Variants in RAB7A observed in about 807,000 individuals in gnomAD.
RAB7A encodes ras-related protein Rab-7a.
RAB7A carries 2 observed loss-of-function variants against 24.5 expected under a neutral mutation model. That is an observed-to-expected ratio of 0.08 (90% CI 0.03 to 0.26). The LOEUF is 0.26. Ranked by LOEUF, RAB7A falls within the 10% of genes least tolerant of loss-of-function variation. The pLI is 1.00. For synonymous variants in RAB7A, 100 were observed against 95.9 expected (o/e 1.04, Z -0.25); for missense variants, 118 against 255.7 (o/e 0.46, Z 3.67).
intron 1 of RAB7A, among the ~76,000 whole-genome samples, chr3:128,771,269 C>A (rs1932927730): frequency 6.6e-6 from 1 of 152,182 alleles, no homozygotes; most frequent in African/African-American, 2.4e-5. Flanking sequence ...CTGGGCCCAG[C>A]CTACAATTTT....
At chr3:128,756,645 A>G (rs1032855277) in intron 1 of RAB7A, among the ~76,000 whole-genome samples, 4 of 152,138 alleles carry the variant, frequency 2.6e-5, no homozygotes, top group African/African-American at 9.7e-5. Flanking sequence ...CAGAAAATAG[A>G]AAAATCCATC....
chr3:128,777,509 T>C (rs550759517), intron 1 of RAB7A, among the ~76,000 whole-genome samples: 1 of 152,222 alleles, frequency 6.6e-6, no homozygotes, highest in South Asian at 2.1e-4. Flanking sequence ...TTATAATACT[T>C]GATAATAAAA....
At chr3:128,774,436 CT>C (rs1370927441) in intron 1 of RAB7A, among the ~76,000 whole-genome samples, 5 of 151,212 alleles carry the variant, frequency 3.3e-5, no homozygotes, top group African/African-American at 1.2e-4. Flanking sequence ...GTTGGATCAT[CT>C]TTTGAACTGA....
intron 1 of RAB7A, among the ~76,000 whole-genome samples, chr3:128,784,046 G>A (rs143069785): frequency 4.6e-5 from 7 of 152,106 alleles, no homozygotes; most frequent in East Asian, 1.9e-4. Flanking sequence ...GTGAATGCAC[G>A]TAACATTCCC....
At chr3:128,736,674 CAG>C (rs2070492615) in intron 1 of RAB7A, among the ~76,000 whole-genome samples, 1 of 152,016 alleles carries the variant, frequency 6.6e-6, no homozygotes, top group South Asian at 2.1e-4. Context: ...AGTTATTTAA[CAG>C]TATTTAAATT....
At position 128,765,197 on chromosome 3, in the gene RAB7A, G is replaced by A. The variant is rs150907876; in HGVS notation, c.-8-30163G>A. ...CACTGTTGAAGCAGGAAACCCCGAC[G>A]ACTCTCGGCGAAGAATGTCTCTGCT... On this transcript the variant is annotated intron_variant, in intron 1 of 5. Coordinates refer to ENST00000265062, the MANE Select transcript of RAB7A (RefSeq NM_004637.6). 2.6e-3 allele frequency among the ~76,000 whole-genome samples: 399 copies of A among 152,254 alleles called. 6 individuals are homozygous for A. Among genetic ancestry groups the A allele is most frequent in the African/African-American group, 8.7e-3 (361 of 41,552 alleles).
At chr3:128,728,621 C>T (rs2070404020) in intron 1 of RAB7A, among the ~76,000 whole-genome samples, 1 of 152,158 alleles carries the variant, frequency 6.6e-6, no homozygotes, top group Non-Finnish European at 1.5e-5. Context: ...CGCCACCATG[C>T]CCAGCTAATC....
At position 128,813,387 on chromosome 3, in the gene RAB7A, C is replaced by G. The variant is rs745507763; in HGVS notation, c.589C>G (p.Arg197Gly). ...PEPIKLDKND[R>G]AKASAESCSC ...ACCTATCAAACTGGACAAGAATGAC[C>G]GGGCCAAGGCCTCGGCAGAAAGCTG... Residue 197 changes from arginine to glycine, a missense_variant, in exon 6 of 6, where the codon CGG (arginine) becomes GGG (glycine). Coordinates refer to ENST00000265062, the MANE Select transcript of RAB7A (RefSeq NM_004637.6). The G allele has an allele frequency of 2.5e-6, 4 of 1,614,048 alleles. No homozygotes were observed. Among genetic ancestry groups the G allele is most frequent in the Non-Finnish European group, 3.4e-6 (4 of 1,180,042 alleles).
intron 1 of RAB7A, among the ~76,000 whole-genome samples, chr3:128,759,673 G>T (rs565993936): frequency 6.6e-6 from 1 of 152,034 alleles, no homozygotes; most frequent in East Asian, 1.9e-4. Context: ...CCTCAAGTAA[G>T]CTCTGTTAGG....
chr3:128,752,304 A>G (rs768854586), intron 1 of RAB7A, among the ~76,000 whole-genome samples: 16 of 152,188 alleles, frequency 1.1e-4, no homozygotes, highest in Non-Finnish European at 2.2e-4. Flanking sequence ...TTAACTAAAT[A>G]AAAAATGAAA....
At chr3:128,812,026 A>T (rs1473804667) in intron 5 of RAB7A, among the ~76,000 whole-genome samples, 1 of 152,148 alleles carries the variant, frequency 6.6e-6, no homozygotes, top group East Asian at 1.9e-4. Flanking sequence ...GGAACTACTA[A>T]TGGGCATAGG....
intron 1 of RAB7A, among the ~76,000 whole-genome samples, chr3:128,727,324 C>G (rs1012408411): frequency 6.6e-6 from 1 of 152,144 alleles, no homozygotes; most frequent in African/African-American, 2.4e-5. Flanking sequence ...AGATGCAAGC[C>G]CAGGCAGTCA....
At position 128,811,863 on chromosome 3, in the gene RAB7A, A is replaced by G. The variant is rs546202848; in HGVS notation, c.529-1464A>G. 1.3e-4 allele frequency among the ~76,000 whole-genome samples: 20 copies of G among 150,622 alleles called. No homozygotes were observed. In the South Asian group the frequency reaches 3.3e-3, roughly 25 times the overall value. On this transcript the variant is annotated intron_variant, in intron 5 of 5. Coordinates refer to ENST00000265062, the MANE Select transcript of RAB7A (RefSeq NM_004637.6). ...GACTCTGCCTCAAAAAAAAAAAAAG[A>G]AAGAAATCACAGTCCACTAGAAGAA...
Position 128,807,495 on chromosome 3 carries a change from C to G in RAB7A, c.400-48C>G, listed in dbSNP as rs565688723. On this transcript the variant is annotated intron_variant, in intron 4 of 5. Transcript: ENST00000265062. ...CTTCCTGGGGAGGATGGAGTCAGTG[C>G]TGGCTGCTTCTGTCATGAGCCTATG... 6.4e-4 allele frequency: 1,035 copies of G among 1,612,532 alleles called. 7 individuals carry two copies. The African/African-American group carries it at 0.012, about 19-fold the overall frequency.
chr3:128,801,578 C>G (rs984144809), intron 3 of RAB7A, among the ~76,000 whole-genome samples: 2 of 152,000 alleles, frequency 1.3e-5, no homozygotes, highest in Non-Finnish European at 2.9e-5. Flanking sequence ...GAAGCACAAT[C>G]AATGAAATTT....
chr3:128,813,380 G>T lies in RAB7A; in HGVS notation c.582G>T (p.Lys194Asn), dbSNP rs1395663847. ...TTCCTGAACCTATCAAACTGGACAA[G>T]AATGACCGGGCCAAGGCCTCGGCAG... is the stretch of plus-strand genomic sequence containing the variant. ...NEFPEPIKLD[K>N]NDRAKASAES... The change falls in exon 6 of 6, where the codon AAG becomes AAT. Residue 194 changes from lysine to asparagine, a missense_variant. Physicochemically the swap from Lys to Asn is moderately conservative, Grantham distance 94. Coordinates refer to ENST00000265062, the MANE Select transcript of RAB7A (RefSeq NM_004637.6). 2 of 1,614,220 alleles carry T rather than the reference G, an allele frequency of 1.2e-6. No individual in the cohort carries two copies. The highest frequency in any genetic ancestry group is 2.2e-5 in the South Asian group (2 of 91,080).
At chr3:128,751,018 C>T (rs1252731007) in intron 1 of RAB7A, among the ~76,000 whole-genome samples, 2 of 152,198 alleles carry the variant, frequency 1.3e-5, no homozygotes, top group Non-Finnish European at 2.9e-5. Context: ...GCTGAGTCTG[C>T]GAGTGCACAG....
intron 1 of RAB7A, among the ~76,000 whole-genome samples, chr3:128,779,888 C>T (rs566343396): frequency 1.4e-4 from 21 of 152,290 alleles, no homozygotes; most frequent in African/African-American, 4.8e-4. Flanking sequence ...CATAGGGCCA[C>T]CTCATGAGGA....
chr3:128,813,580 A>C lies in RAB7A; in HGVS notation c.*158A>C, dbSNP rs1278644570. The C allele has an allele frequency of 2.4e-5, 16 of 680,676 alleles. No individual in the cohort carries two copies. Among genetic ancestry groups the C allele is most frequent in the East Asian group, 2.3e-4 (8 of 35,172 alleles). The allele number at this position is 680,676 out of a possible 1,614,324, so 42.2% of individuals were successfully genotyped here. ...CATCAAACACAGTTACACCCCACAT[A>C]TCTCTCACACACACACACACACGCA... is the stretch of plus-strand genomic sequence containing the variant. On this transcript the variant is annotated 3_prime_UTR_variant, in exon 6 of 6. Transcript: ENST00000265062.
Sources: allele counts gnomAD v4.1 joint callset (sites outside exome capture counted in the v4.1 genomes callset), GRCh38; gene constraint gnomAD v4.1.1; transcripts MANE v1.5; gene names NCBI Gene and HGNC (gene_info 2026-07-23, HGNC 2026-07-21).